TRHDE: variants seen among roughly 807,000 people sequenced by gnomAD.
The protein encoded by TRHDE is thyrotropin releasing hormone degrading enzyme, also known as thyrotropin-releasing hormone-degrading ectoenzyme.
TRHDE carries 72 observed loss-of-function variants against 125.7 expected under a neutral mutation model. The observed-to-expected ratio is 0.57, with a 90% CI of 0.47 to 0.70. TRHDE has a LOEUF of 0.70. TRHDE is among the 30% of genes least tolerant of loss of function. The pLI, the probability that TRHDE is intolerant of heterozygous loss-of-function variation, is 0.00. For synonymous variants in TRHDE, 509 were observed against 509.1 expected, an observed-to-expected ratio of 1.00 and a Z score of 0.00; for missense variants, 1,110 against 1,327.1, an observed-to-expected ratio of 0.84 and a Z score of 2.54.
intron 5 of TRHDE, among the ~76,000 whole-genome samples, chr12:72,480,457 A>G (rs1030325827): frequency 1.3e-5 from 2 of 152,200 alleles, no homozygotes; most frequent in African/African-American, 4.8e-5. Flanking sequence ...AAGCAAAGTC[A>G]TTTTGCTCAG....
intron 10 of TRHDE, among the ~76,000 whole-genome samples, chr12:72,574,098 C>G (rs1244109098): frequency 6.6e-6 from 1 of 152,000 alleles, no homozygotes; most frequent in Non-Finnish European, 1.5e-5. Context: ...TTTATGTCCA[C>G]CCAATATGTT....
At chr12:72,440,480 C>T (rs747486247) in intron 3 of TRHDE, among the ~76,000 whole-genome samples, 2 of 151,258 alleles carry the variant, frequency 1.3e-5, no homozygotes, top group African/African-American at 2.4e-5. Flanking sequence ...AACTGTTTTT[C>T]GTTTTGTAGA....
intron 6 of TRHDE, among the ~76,000 whole-genome samples, chr12:72,536,005 T>G (rs1203986745): frequency 6.6e-6 from 1 of 152,116 alleles, no homozygotes; most frequent in Admixed American, 6.6e-5. Context: ...AAGCACCTAA[T>G]CCCTTCACCT....
chr12:72,134,515 G>A (rs1875937614), intron 2 of TRHDE, among the ~76,000 whole-genome samples: 1 of 152,102 alleles, frequency 6.6e-6, no homozygotes, highest in Non-Finnish European at 1.5e-5. Flanking sequence ...GTTCCTAAGA[G>A]GGGCCCTAGC....
At chr12:72,257,668 C>T (rs1326277085) in intron 2 of TRHDE, 1 of 152,076 alleles carries the variant, frequency 6.6e-6, no homozygotes, top group African/African-American at 2.4e-5. Flanking sequence ...TTTCTATCTC[C>T]CCTTTTATTA....
Position 72,244,077 on chromosome 12 carries a change from C to G in TRHDE, n.280-133918C>G, listed in dbSNP as rs545745740. 1.1e-4 allele frequency among the ~76,000 whole-genome samples: 16 copies of G among 152,246 alleles called. No individual in the cohort carries two copies. The South Asian group carries it at 2.5e-3, about 24-fold the overall frequency. On this transcript the variant is annotated intron_variant and non_coding_transcript_variant, in intron 2 of 4. Coordinates refer to the TRHDE transcript ENST00000548156. ...CATCATCTCACACCATTTACTAAGA[C>G]TGGTATTCAGTATGAGGCTCTATTT... is the stretch of plus-strand genomic sequence containing the variant.
At chr12:72,241,269 T>G (rs1878478114) in intron 2 of TRHDE, among the ~76,000 whole-genome samples, 1 of 152,148 alleles carries the variant, frequency 6.6e-6, no homozygotes. Context: ...TTCTGTCACC[T>G]CAAAACACAT....
At chr12:72,156,540 C>T (rs1383083363) in intron 2 of TRHDE, among the ~76,000 whole-genome samples, 4 of 152,038 alleles carry the variant, frequency 2.6e-5, no homozygotes, top group Non-Finnish European at 2.9e-5. Flanking sequence ...TTGGCTCCAC[C>T]CCATGAGTCT....
intron 3 of TRHDE, among the ~76,000 whole-genome samples, chr12:72,442,342 C>T (rs1875055931): frequency 6.6e-6 from 1 of 151,876 alleles, no homozygotes; most frequent in African/African-American, 2.4e-5. Context: ...CACTTATCTA[C>T]ATGGCTTTGC....
chr12:72,527,249 C>T (rs546686133), intron 6 of TRHDE, among the ~76,000 whole-genome samples: 17 of 152,080 alleles, frequency 1.1e-4, no homozygotes, highest in Admixed American at 9.8e-4. Flanking sequence ...GTATGTGTTA[C>T]GTGTAAATTC....
intron 2 of TRHDE, among the ~76,000 whole-genome samples, chr12:72,349,560 G>A (rs534351448): frequency 6.6e-6 from 1 of 151,834 alleles, no homozygotes; most frequent in African/African-American, 2.4e-5. Context: ...TTGGGCGGGG[G>A]GGTGGTGTGG....
At chr12:72,092,595 G>A (rs138717401) in intron 1 of TRHDE, among the ~76,000 whole-genome samples, 7 of 152,286 alleles carry the variant, frequency 4.6e-5, no homozygotes, top group South Asian at 2.1e-4. Context: ...GAAGCAGAGA[G>A]CATCATTTCT....
intron 2 of TRHDE, among the ~76,000 whole-genome samples, chr12:72,310,862 A>G (rs74105324): frequency 0.067 from 10,190 of 152,152 alleles, 405 homozygotes; most frequent in African/African-American, 0.11. Context: ...ATTCATGTAT[A>G]GAATGTCACA....
intron 17 of TRHDE, among the ~76,000 whole-genome samples, chr12:72,654,367 A>C (rs1379916107): frequency 2.0e-5 from 3 of 152,180 alleles, no homozygotes; most frequent in Non-Finnish European, 4.4e-5. Context: ...TAGGAGCATA[A>C]TCTTCACTGG....
chr12:72,541,041 T>C (rs1869121190), intron 6 of TRHDE, among the ~76,000 whole-genome samples: 1 of 151,600 alleles, frequency 6.6e-6, no homozygotes, highest in Non-Finnish European at 1.5e-5. Context: ...ACTGTGGAAA[T>C]TCATTGTTGT....
At chr12:72,260,758 AC>A (rs1211581685) in intron 2 of TRHDE, among the ~76,000 whole-genome samples, 3 of 152,152 alleles carry the variant, frequency 2.0e-5, no homozygotes, top group African/African-American at 7.2e-5. Flanking sequence ...GATAAATACT[AC>A]CAAATGGAGC....
At chr12:72,339,134 C>A (rs1869964373) in intron 2 of TRHDE, among the ~76,000 whole-genome samples, 1 of 152,082 alleles carries the variant, frequency 6.6e-6, no homozygotes, top group Non-Finnish European at 1.5e-5. Flanking sequence ...ATGTAAAAGT[C>A]CACCTTCTTC....
chr12:72,399,489 A>T (rs1198103280), intron 3 of TRHDE, among the ~76,000 whole-genome samples: 1 of 152,164 alleles, frequency 6.6e-6, no homozygotes, highest in Non-Finnish European at 1.5e-5. Context: ...GCTTGTAAAC[A>T]TATAGGAAAC....
At chr12:72,418,099 C>A (rs1284094245) in intron 3 of TRHDE, among the ~76,000 whole-genome samples, 2 of 151,952 alleles carry the variant, frequency 1.3e-5, no homozygotes, top group Non-Finnish European at 2.9e-5. Flanking sequence ...TCAAAAATAA[C>A]CAGCAGAGAG....
Sources: allele counts gnomAD v4.1 joint callset (sites outside exome capture counted in the v4.1 genomes callset), GRCh38; gene constraint gnomAD v4.1.1; transcripts MANE v1.5; gene names NCBI Gene and HGNC (gene_info 2026-07-23, HGNC 2026-07-21).